Variants in AKAP6 observed in about 807,000 individuals in gnomAD.
AKAP6 encodes A-kinase anchoring protein 6, also known as A-kinase anchor protein 6.
AKAP6 carries 58 observed loss-of-function variants against 188.5 expected under a neutral mutation model. That is an observed-to-expected ratio of 0.31 (90% CI 0.25 to 0.38). The LOEUF is 0.38. Among genes scored for constraint, AKAP6 ranks in the 10% least tolerant of loss-of-function variants. The pLI is 1.00. For synonymous variants in AKAP6, 989 were observed against 998.6 expected, an observed-to-expected ratio of 0.99 and a Z score of 0.18; for missense variants, 2,710 against 2,740.0, an observed-to-expected ratio of 0.99 and a Z score of 0.24.
intron 7 of AKAP6, among the ~76,000 whole-genome samples, chr14:32,626,183 T>C (rs982161534): frequency 6.6e-6 from 1 of 152,082 alleles, no homozygotes; most frequent in African/African-American, 2.4e-5. Context: ...TTCTCACATA[T>C]AGAATCATTG....
intron 12 of AKAP6, among the ~76,000 whole-genome samples, chr14:32,820,069 C>G (rs1327902406): frequency 6.6e-6 from 1 of 152,076 alleles, no homozygotes; most frequent in African/African-American, 2.4e-5. Context: ...AGTGCTATCC[C>G]CATTTTACAG....
At chr14:32,352,635 C>A (rs1887327314) in intron 1 of AKAP6, among the ~76,000 whole-genome samples, 1 of 152,194 alleles carries the variant, frequency 6.6e-6, no homozygotes, top group East Asian at 1.9e-4. Flanking sequence ...TTCTTAGATT[C>A]CACAAATGAG....
chr14:32,794,543 G>T (rs1255582250), intron 12 of AKAP6, among the ~76,000 whole-genome samples: 1 of 152,166 alleles, frequency 6.6e-6, no homozygotes, highest in Non-Finnish European at 1.5e-5. Flanking sequence ...CTGGGCAAAA[G>T]AATGAGACTG....
chr14:32,822,330 A>C lies in AKAP6; in HGVS notation c.4517A>C (p.Lys1506Thr). 1 of 1,613,966 alleles carries C rather than the reference A, an allele frequency of 6.2e-7. No homozygotes were observed. The highest frequency in any genetic ancestry group is 8.5e-7 in the Non-Finnish European group (1 of 1,179,942). The change falls in exon 13 of 14, where the codon AAA (lysine) becomes ACA (threonine). Residue 1506 changes from lysine (K) to threonine (T), a missense_variant. Around this residue, in one of 2 missense-constraint regions of AKAP6, gnomAD observed 2,473 missense variants for 2,426.1 expected, o/e 1.02. Coordinates refer to ENST00000280979, the MANE Select transcript of AKAP6 (RefSeq NM_004274.5). ...DPLLRGFYFD[K>T]KSCKSKHQTT... ...CTGCTTCGTGGTTTTTATTTTGATA[A>C]AAAATCATGCAAATCTAAACATCAG...
chr14:32,335,952 A>G, intron 1 of AKAP6, among the ~76,000 whole-genome samples: 1 of 150,670 alleles, frequency 6.6e-6, no homozygotes. Flanking sequence ...TCAATTTAAA[A>G]GGGAATTATA....
At chr14:32,410,125 A>G (rs966240002) in intron 1 of AKAP6, among the ~76,000 whole-genome samples, 1 of 144,352 alleles carries the variant, frequency 6.9e-6, no homozygotes, top group African/African-American at 2.5e-5. Flanking sequence ...AAAAATCGAC[A>G]TTCTGTAGAG....
intron 2 of AKAP6, chr14:32,494,336 A>G (rs1395500613): frequency 2.0e-5 from 3 of 152,148 alleles, no homozygotes; most frequent in African/African-American, 7.2e-5. Context: ...TACTTCTGGG[A>G]TTCAGAATGC....
chr14:32,819,786 C>T (rs1406774324), intron 12 of AKAP6, among the ~76,000 whole-genome samples: 1 of 151,920 alleles, frequency 6.6e-6, no homozygotes, highest in African/African-American at 2.4e-5. Context: ...CCTGTCTCTA[C>T]AAAAAATAAA....
chr14:32,461,512 CAGAA>C (rs539520027), intron 2 of AKAP6, among the ~76,000 whole-genome samples: 30 of 152,244 alleles, frequency 2.0e-4, no homozygotes, highest in African/African-American at 6.7e-4. Flanking sequence ...AACTAACAAA[CAGAA>C]AGCAACAACA....
At chr14:32,536,090 T>G (rs953027565) in intron 3 of AKAP6, among the ~76,000 whole-genome samples, 7 of 152,216 alleles carry the variant, frequency 4.6e-5, no homozygotes, top group African/African-American at 1.7e-4. Flanking sequence ...ATGTATTGAG[T>G]ACTTACTATG....
Position 32,835,120 on chromosome 14 carries a change from T to A in AKAP6, c.*5315T>A, listed in dbSNP as rs1211043576. ...TACTTGCAACAAAAGCCATATGGCC[T>A]GCAAAACCTAAAACATTTACTATCT... On this transcript the variant is annotated 3_prime_UTR_variant, in exon 14 of 14. Transcript: ENST00000280979. 1 of 152,214 alleles carries A rather than the reference T, an allele frequency of 6.6e-6. No homozygotes were observed. The highest frequency in any genetic ancestry group is 1.5e-5 in the Non-Finnish European group (1 of 68,026). 9.4% of individuals were successfully genotyped at this position (152,214 alleles called of 1,614,324 possible). A position where few individuals can be genotyped will look rare whatever the true frequency, so the allele number is the denominator to read the frequency against.
chr14:32,557,413 T>TAA (rs35248687), intron 4 of AKAP6, among the ~76,000 whole-genome samples: 1 of 152,154 alleles, frequency 6.6e-6, no homozygotes, highest in African/African-American at 2.4e-5. Flanking sequence ...CCTACTCTTT[T>TAA]AAAAAAAGTC....
intron 1 of AKAP6, among the ~76,000 whole-genome samples, chr14:32,382,216 C>T (rs966866245): frequency 2.0e-5 from 3 of 152,084 alleles, no homozygotes; most frequent in Non-Finnish European, 4.4e-5. Context: ...ATCAGTTAAG[C>T]CATCTGCTGG....
At chr14:32,587,576 A>G (rs1885306564) in intron 5 of AKAP6, among the ~76,000 whole-genome samples, 1 of 152,188 alleles carries the variant, frequency 6.6e-6, no homozygotes. Flanking sequence ...ATGGTGAATC[A>G]GGGCTAGGTG....
At chr14:32,434,937 G>A (rs562611345) in intron 2 of AKAP6, among the ~76,000 whole-genome samples, 1 of 152,280 alleles carries the variant, frequency 6.6e-6, no homozygotes, top group South Asian at 2.1e-4. Flanking sequence ...AGGTTGAGCA[G>A]GTCTAGTGTC....
In AKAP6 at chr14:32,831,929, A is replaced by T. The variant is rs982217273; in HGVS notation, c.*2124A>T. The T allele has an allele frequency of 1.3e-5, 2 of 152,176 alleles. No individual in the cohort carries two copies. Among genetic ancestry groups the T allele is most frequent in the African/African-American group, 4.8e-5 (2 of 41,452 alleles). 9.4% of individuals were successfully genotyped at this position (152,176 alleles called of 1,614,324 possible). ...TACAGGCTGTTTTGCACCTGATTTTATTTATCATTAGTGCCACGCCAAGAT... is the reference window on the plus strand; with the variant it reads ...TACAGGCTGTTTTGCACCTGATTTTTTTTATCATTAGTGCCACGCCAAGAT... On this transcript the variant is annotated 3_prime_UTR_variant, in exon 14 of 14. Transcript: ENST00000280979.
At chr14:32,621,883 G>A (rs1003695025) in intron 7 of AKAP6, among the ~76,000 whole-genome samples, 2 of 152,032 alleles carry the variant, frequency 1.3e-5, no homozygotes, top group Non-Finnish European at 2.9e-5. Flanking sequence ...TTAATGATAA[G>A]TGTGACAGAT....
At chr14:32,586,213 A>C (rs115296686) in intron 5 of AKAP6, among the ~76,000 whole-genome samples, 1 of 152,320 alleles carries the variant, frequency 6.6e-6, no homozygotes, top group African/African-American at 2.4e-5. Context: ...AAATTAAAGA[A>C]AGGGAGTAAA....
Position 32,652,194 on chromosome 14 carries a change from T to C in AKAP6, c.2731-26117T>C, listed in dbSNP as rs570604389. Among the ~76,000 whole-genome samples, 30 of 152,314 alleles carry C rather than the reference T, an allele frequency of 2.0e-4. No homozygotes were observed. The South Asian group carries it at 6.2e-3, about 32-fold the overall frequency. On this transcript the variant is annotated intron_variant, in intron 7 of 13. Coordinates refer to ENST00000280979, the MANE Select transcript of AKAP6 (RefSeq NM_004274.5). ...AAGTTTACCACTTTCTTTTCTCCCATCTTTTCCGTCATTTTATCCTTCCAA... is the reference window on the plus strand; with the variant it reads ...AAGTTTACCACTTTCTTTTCTCCCACCTTTTCCGTCATTTTATCCTTCCAA...
Sources: gnomAD v4.1 joint callset for allele counts (sites outside exome capture counted in the v4.1 genomes callset) on GRCh38, gnomAD v4.1.1 for gene constraint, gnomAD v4.1.1 regional missense constraint, MANE v1.5 for transcripts, NCBI Gene and HGNC (gene_info 2026-07-23, HGNC 2026-07-21) for gene names.